UGT1A10: variants seen among roughly 807,000 people sequenced by gnomAD.
UGT1A10 encodes UDP-glucuronosyltransferase 1A10.
Under a neutral mutation model 45.8 loss-of-function variants are expected in UGT1A10, and 49 were observed. That is an observed-to-expected ratio of 1.07 (90% CI 0.85 to 1.36). The LOEUF is 1.36. UGT1A10 is among the 40% of genes most tolerant of loss of function. UGT1A10 has a pLI of 0.00. For synonymous variants in UGT1A10, 284 were observed against 249.7 expected (o/e 1.14, Z -1.29); for missense variants, 745 against 668.6 (o/e 1.11, Z -1.26).
chr2:233,741,629 C>T (rs1691726139), intron 1 of UGT1A10: 1 of 151,834 alleles, frequency 6.6e-6, no homozygotes, highest in Non-Finnish European at 1.5e-5. Context: ...CCCATGAGCC[C>T]CTGTGGGATG....
chr2:233,637,498 A>G (rs1040234863), intron 1 of UGT1A10, 121 bp downstream of exon 1: 2 of 1,490,952 alleles, frequency 1.3e-6, no homozygotes, highest in African/African-American at 1.4e-5. Context: ...TTTCCAGTTT[A>G]ACAAATTATT....
intron 1 of UGT1A10, among the ~76,000 whole-genome samples, chr2:233,645,257 A>G (rs558318451): frequency 7.8e-4 from 119 of 152,306 alleles, no homozygotes; most frequent in African/African-American, 2.8e-3. Flanking sequence ...CAATTTTCCC[A>G]CCAGGATCCT....
chr2:233,686,085 T>C (rs534797279), intron 1 of UGT1A10, among the ~76,000 whole-genome samples: 31 of 152,310 alleles, frequency 2.0e-4, no homozygotes, highest in Non-Finnish European at 3.1e-4. Flanking sequence ...GACAACTGCA[T>C]ATCCAAGTCC....
intron 1 of UGT1A10, chr2:233,647,846 G>A (rs2073642089): frequency 2.8e-5 from 33 of 1,199,328 alleles, no homozygotes; most frequent in Middle Eastern, 2.8e-4. Flanking sequence ...TGGTGTCATT[G>A]GTTTTCTCCA....
intron 1 of UGT1A10, among the ~76,000 whole-genome samples, chr2:233,684,318 G>C (rs1167563534): frequency 6.6e-6 from 1 of 152,222 alleles, no homozygotes; most frequent in Non-Finnish European, 1.5e-5. Context: ...GGAGATGCAA[G>C]TTGTAGGACG....
intron 1 of UGT1A10, among the ~76,000 whole-genome samples, chr2:233,669,590 C>A (rs2074140608): frequency 6.6e-6 from 1 of 151,968 alleles, no homozygotes; most frequent in Non-Finnish European, 1.5e-5. Context: ...TTCAATTGTT[C>A]ATTGCTAGTA....
chr2:233,668,203 C>G (rs1175414388), intron 1 of UGT1A10, among the ~76,000 whole-genome samples: 1 of 152,142 alleles, frequency 6.6e-6, no homozygotes, highest in Non-Finnish European at 1.5e-5. Context: ...TATCCCTCCC[C>G]CATACCCCCA....
intron 1 of UGT1A10, chr2:233,671,815 T>C (rs2074200092): frequency 1.4e-6 from 2 of 1,436,148 alleles, no homozygotes; most frequent in Non-Finnish European, 1.8e-6. Context: ...TGATTTTTTT[T>C]TTATGAAAGG....
intron 1 of UGT1A10, among the ~76,000 whole-genome samples, chr2:233,710,566 G>T (rs1422927830): frequency 6.6e-6 from 1 of 152,066 alleles, no homozygotes; most frequent in Non-Finnish European, 1.5e-5. Context: ...CTTTTAAAAG[G>T]TGCCCTTTCA....
chr2:233,706,059 C>T lies in UGT1A10; in HGVS notation c.856-60975C>T, dbSNP rs28898587. 2.0e-3 allele frequency among the ~76,000 whole-genome samples: 305 copies of T among 152,274 alleles called. 7 individuals carry two copies. In the East Asian group the frequency reaches 0.057, roughly 29 times the overall value. ...GCAGTGAGCCGAGATCACGCCACTGCATGCCAGCCTGGGTGACAGAGCTAG... is the reference window on the plus strand; with the variant it reads ...GCAGTGAGCCGAGATCACGCCACTGTATGCCAGCCTGGGTGACAGAGCTAG... On this transcript the variant is annotated intron_variant, in intron 1 of 4. Transcript: ENST00000344644.
At chr2:233,767,974 G>A (rs1338835560) in intron 3 of UGT1A10, 38 bp downstream of exon 3, 1 of 1,613,994 alleles carries the variant, frequency 6.2e-7, no homozygotes, top group Non-Finnish European at 8.5e-7. Context: ...TCAAACCAGG[G>A]TCAAATTAAG....
At chr2:233,755,317 G>C (rs1457699650) in intron 1 of UGT1A10, 17 of 525,588 alleles carry the variant, frequency 3.2e-5, no homozygotes, top group Non-Finnish European at 5.3e-5. Context: ...CGAGCGGCAA[G>C]GCTGCCAGCA....
intron 1 of UGT1A10, chr2:233,672,505 C>T (rs764431739): frequency 3.1e-6 from 5 of 1,613,878 alleles, no homozygotes; most frequent in Non-Finnish European, 4.2e-6. Context: ...TTCCTATGTC[C>T]CCAGAATTCT....
chr2:233,668,901 CAG>C (rs2074128725), intron 1 of UGT1A10, among the ~76,000 whole-genome samples: 1 of 152,204 alleles, frequency 6.6e-6, no homozygotes, highest in South Asian at 2.1e-4. Context: ...GACAGTTTTT[CAG>C]AGTTTCCTTG....
chr2:233,713,105 C>T (rs1300950755), intron 1 of UGT1A10: 1 of 1,614,094 alleles, frequency 6.2e-7, no homozygotes, highest in African/African-American at 1.3e-5. Flanking sequence ...CCACTGATGG[C>T]AGCCACTGGC....
At position 233,679,487 on chromosome 2, in the gene UGT1A10, C is replaced by T. The variant is rs146024249; in HGVS notation, c.855+42110C>T. ...AACAGTAGAGTTAGCCTATCCCTTCCTGCCTTACATTCTGGTGCTTGGTTT... is the reference window on the plus strand; with the variant it reads ...AACAGTAGAGTTAGCCTATCCCTTCTTGCCTTACATTCTGGTGCTTGGTTT... On this transcript the variant is annotated intron_variant, in intron 1 of 4. Coordinates refer to ENST00000344644, the MANE Select transcript of UGT1A10 (RefSeq NM_019075.4). 2.3e-4 allele frequency among the ~76,000 whole-genome samples: 35 copies of T among 152,290 alleles called. 1 individual carries two copies. The highest frequency in any genetic ancestry group is 8.2e-4 in the African/African-American group (34 of 41,550).
intron 1 of UGT1A10, among the ~76,000 whole-genome samples, chr2:233,658,165 C>A (rs532050329): frequency 2.2e-4 from 33 of 151,988 alleles, no homozygotes; most frequent in Non-Finnish European, 4.3e-4. Context: ...ATTACAGGTG[C>A]ACACCACCAT....
intron 1 of UGT1A10, among the ~76,000 whole-genome samples, chr2:233,726,600 T>TACCCAG (rs1249219153): frequency 1.2e-4 from 18 of 152,200 alleles, no homozygotes; most frequent in African/African-American, 4.3e-4. Flanking sequence ...GCCCTTGTGA[T>TACCCAG]TACACTGTCC....
chr2:233,672,386 A>G (rs1575416023), intron 1 of UGT1A10: 4 of 1,614,110 alleles, frequency 2.5e-6, no homozygotes, highest in Admixed American at 1.7e-5. Context: ...GATCCTTTTG[A>G]TAACTGTGGC....
Sources: allele counts gnomAD v4.1 joint callset (sites outside exome capture counted in the v4.1 genomes callset), GRCh38; gene constraint gnomAD v4.1.1; transcripts MANE v1.5; gene names NCBI Gene and HGNC (gene_info 2026-07-23, HGNC 2026-07-21).